HDX: variants seen among roughly 807,000 people sequenced by gnomAD.
HDX encodes the protein chromosome X open reading frame 43.
A neutral mutation model predicts 45.2 loss-of-function variants in HDX; 19 were observed. The ratio of observed to expected loss-of-function variants is 0.42; its 90% confidence interval spans 0.29 to 0.62. The LOEUF is 0.62. Among genes scored for constraint, HDX ranks in the 20% least tolerant of loss-of-function variants. The pLI is 0.20. For synonymous variants in HDX, 188 were observed against 172.8 expected (o/e 1.09, Z -0.69); for missense variants, 532 against 493.9 (o/e 1.08, Z -0.73).
chrX:84,367,080 A>G (rs896952537), intron 5 of HDX, among the ~76,000 whole-genome samples: 4 of 112,182 alleles, frequency 3.6e-5, no homozygotes, highest in Non-Finnish European at 5.6e-5. Flanking sequence ...GAATGGGAGA[A>G]CATTTTTGCA....
intron 3 of HDX, among the ~76,000 whole-genome samples, chrX:84,471,919 C>G (rs2040461881): frequency 9.0e-6 from 1 of 110,992 alleles, no homozygotes; most frequent in African/African-American, 3.3e-5. Flanking sequence ...TACAAATATT[C>G]AAAATAAGTT....
chrX:84,469,241 T>G lies in HDX; in HGVS notation c.482A>C (p.His161Pro). The G allele has an allele frequency of 2.5e-6, 3 of 1,210,168 alleles. No individual in the cohort carries two copies. The South Asian group carries it at 5.3e-5, about 21-fold the overall frequency. Residue 161 changes from histidine to proline, a missense_variant, in exon 4 of 11, where the codon CAC (histidine) becomes CCC (proline). Around this residue, in one of 3 missense-constraint regions of HDX, gnomAD observed 376 missense variants for 343.7 expected, o/e 1.09. Transcript: ENST00000373177. The stretch of plus-strand genomic sequence containing the variant: ...TAGGAGTAGGGAAGCATTTTTACAG[T>G]GTGCTACTTGTCTTTGGACAGGAAT... ...LHIPVQRQVA[H>P]CKNASLLLGE...
chrX:84,328,689 A>G (rs2036774757), intron 9 of HDX, among the ~76,000 whole-genome samples: 1 of 107,932 alleles, frequency 9.3e-6, no homozygotes, highest in African/African-American at 3.3e-5. Context: ...CTGACATATT[A>G]CAATAGTTAA....
intron 5 of HDX, among the ~76,000 whole-genome samples, chrX:84,405,087 T>C (rs755412185): frequency 2.7e-5 from 3 of 111,210 alleles, no homozygotes; most frequent in Non-Finnish European, 5.7e-5. Flanking sequence ...GTGAATATTA[T>C]TTTTAAAACC....
intron 9 of HDX, among the ~76,000 whole-genome samples, chrX:84,327,755 C>T (rs1314379160): frequency 1.8e-5 from 2 of 111,061 alleles, no homozygotes; most frequent in African/African-American, 6.5e-5. Context: ...TTAAATAGAA[C>T]ACAAAAATTA....
chrX:84,481,924 G>A (rs1569370314), intron 2 of HDX, among the ~76,000 whole-genome samples: 2 of 111,069 alleles, frequency 1.8e-5, no homozygotes, highest in Admixed American at 9.6e-5. Context: ...ATGTCCATAT[G>A]TACCCATTGT....
chrX:84,398,635 C>T (rs1467545416), intron 5 of HDX, among the ~76,000 whole-genome samples: 2 of 111,483 alleles, frequency 1.8e-5, no homozygotes, highest in African/African-American at 6.5e-5. Context: ...ACTTTATCAC[C>T]CTACTGTCAA....
chrX:84,334,661 T>TA (rs397895017), intron 8 of HDX, among the ~76,000 whole-genome samples: 88 of 55,530 alleles, frequency 1.6e-3, no homozygotes, highest in East Asian at 8.2e-3. Context: ...GTGATTTTTT[T>TA]AAAAAAAAAG....
intron 5 of HDX, among the ~76,000 whole-genome samples, chrX:84,408,509 T>TTTG (rs2038892336): frequency 1.1e-5 from 1 of 94,336 alleles, no homozygotes; most frequent in Non-Finnish European, 2.2e-5. Flanking sequence ...GTTTTTTTTT[T>TTTG]TTTTTTTTTT....
intron 5 of HDX, among the ~76,000 whole-genome samples, chrX:84,433,426 C>T (rs980362003): frequency 3.6e-5 from 4 of 111,602 alleles, no homozygotes; most frequent in Non-Finnish European, 7.5e-5. Flanking sequence ...GTTTTTCCAT[C>T]ACCATTTATA....
chrX:84,326,450 G>A, intron 9 of HDX, 150 bp from the exon 10 acceptor site: 1 of 426,496 alleles, frequency 2.3e-6, no homozygotes. Context: ...AAGCATGGAA[G>A]AAAATGATCC....
intron 5 of HDX, among the ~76,000 whole-genome samples, chrX:84,367,591 G>A (rs1453786359): frequency 8.9e-6 from 1 of 112,260 alleles, no homozygotes; most frequent in Non-Finnish European, 1.9e-5. Flanking sequence ...GCAAAGACTT[G>A]CAACCAACCC....
At chrX:84,428,917 A>AT (rs1384965455) in intron 5 of HDX, among the ~76,000 whole-genome samples, 1 of 110,154 alleles carries the variant, frequency 9.1e-6, no homozygotes, top group Non-Finnish European at 1.9e-5. Context: ...ACCAAAATTC[A>AT]TTTTTTGCAT....
chrX:84,481,807 C>A (rs970143235), intron 2 of HDX, among the ~76,000 whole-genome samples: 3 of 111,066 alleles, frequency 2.7e-5, no homozygotes, highest in African/African-American at 9.8e-5. Flanking sequence ...CTAGTGAACC[C>A]ATCACCCAAA....
chrX:84,378,281 T>C (rs2038103348), intron 5 of HDX, among the ~76,000 whole-genome samples: 1 of 111,194 alleles, frequency 9.0e-6, no homozygotes, highest in African/African-American at 3.3e-5. Context: ...AGAAAGAAAA[T>C]AATGTAAATG....
chrX:84,419,802 G>A (rs1358345807), intron 5 of HDX, among the ~76,000 whole-genome samples: 2 of 112,090 alleles, frequency 1.8e-5, no homozygotes, highest in African/African-American at 3.2e-5. Context: ...CTCAGGTTTA[G>A]GTGGGTCAGA....
chrX:84,336,814 G>A lies in HDX; in HGVS notation c.1727C>T (p.Thr576Ile). Residue 576 changes from threonine to isoleucine, a missense_variant, in exon 8 of 11, where the codon ACC becomes ATC. By Grantham distance (89) the Thr-to-Ile change is moderately conservative. This residue lies in a region of HDX where 151 missense variants were observed against 131.8 expected (regional missense o/e 1.15). Transcript: ENST00000373177. Reference protein sequence around the residue: ...AHKEEDHHAVTTDNVKIEIID... With the variant: ...AHKEEDHHAVITDNVKIEIID... ...AACTGTACATACCACATTATCTGTG[G>A]TTACTGCATGGTGGTCCTCTTCCTT... 1 of 1,170,246 alleles carries A rather than the reference G, an allele frequency of 8.5e-7. No individual in the cohort carries two copies. Among genetic ancestry groups the A allele is most frequent in the South Asian group, 1.8e-5 (1 of 54,863 alleles).
intron 6 of HDX, among the ~76,000 whole-genome samples, chrX:84,359,654 C>T (rs913522573): frequency 8.9e-6 from 1 of 111,754 alleles, no homozygotes; most frequent in South Asian, 3.7e-4. Context: ...AATGAACATA[C>T]GTGTGCATGT....
At chrX:84,385,749 T>C (rs1369311859) in intron 5 of HDX, among the ~76,000 whole-genome samples, 5 of 109,846 alleles carry the variant, frequency 4.6e-5, no homozygotes, top group Non-Finnish European at 9.5e-5. Flanking sequence ...TCTAGTTGCC[T>C]TTTTTTTACA....
Sources: gnomAD v4.1 joint callset for allele counts (sites outside exome capture counted in the v4.1 genomes callset) on GRCh38, gnomAD v4.1.1 for gene constraint, gnomAD v4.1.1 regional missense constraint, MANE v1.5 for transcripts, NCBI Gene and HGNC (gene_info 2026-07-23, HGNC 2026-07-21) for gene names.